Variants in CHL1 observed in about 807,000 individuals in gnomAD.
CHL1 encodes the protein neural cell adhesion molecule L1-like protein.
CHL1 carries 96 observed loss-of-function variants against 141.9 expected under a neutral mutation model. The observed-to-expected ratio is 0.68, with a 90% CI of 0.57 to 0.80. CHL1 has a LOEUF of 0.80. Ranked by LOEUF, CHL1 falls within the 30% of genes least tolerant of loss-of-function variation. The pLI, the probability that CHL1 is intolerant of heterozygous loss-of-function variation, is 0.00. For synonymous variants in CHL1, 613 were observed against 502.2 expected, an observed-to-expected ratio of 1.22 and a Z score of -2.95; for missense variants, 1,820 against 1,457.2, an observed-to-expected ratio of 1.25 and a Z score of -4.05.
intron 1 of CHL1, among the ~76,000 whole-genome samples, chr3:238,020 C>T (rs186445410): frequency 6.6e-5 from 10 of 152,226 alleles, no homozygotes; most frequent in Admixed American, 2.0e-4. Context: ...TTTTCTAGTT[C>T]TTACTTTATT....
At chr3:257,168 T>A (rs755282460) in intron 2 of CHL1, among the ~76,000 whole-genome samples, 17 of 152,164 alleles carry the variant, frequency 1.1e-4, no homozygotes, top group Non-Finnish European at 2.2e-4. Flanking sequence ...ACTGAAGGGA[T>A]ATCAAATGAT....
chr3:367,578 A>G (rs2125303678), intron 15 of CHL1, among the ~76,000 whole-genome samples: 1 of 152,332 alleles, frequency 6.6e-6, no homozygotes, highest in Admixed American at 6.5e-5. Context: ...GAAAATACCA[A>G]CTGCACAGTC....
intron 1 of CHL1, among the ~76,000 whole-genome samples, chr3:241,948 G>T (rs1692611634): frequency 6.6e-6 from 1 of 152,008 alleles, no homozygotes; most frequent in Admixed American, 6.6e-5. Flanking sequence ...TAAATTCAAA[G>T]GATTGTATGT....
chr3:233,299 G>A (rs462570), intron 1 of CHL1, among the ~76,000 whole-genome samples: 145,291 of 152,134 alleles, frequency 0.96, 69,485 homozygotes, highest in East Asian at 1. Flanking sequence ...AAAATTTCAT[G>A]TATCTTCTTG....
At chr3:258,848 A>G (rs903828117) in intron 2 of CHL1, among the ~76,000 whole-genome samples, 5 of 150,090 alleles carry the variant, frequency 3.3e-5, no homozygotes, top group Non-Finnish European at 7.4e-5. Flanking sequence ...ATTTCATCAC[A>G]TTGTTATTAA....
intron 3 of CHL1, 97 bp from the exon 4 acceptor site, chr3:325,862 T>C: frequency 1.5e-6 from 1 of 676,168 alleles, no homozygotes; most frequent in Non-Finnish European, 2.5e-6. Flanking sequence ...TCCTTTCACT[T>C]ATCAGTATAC....
chr3:216,681 G>C (rs943367971), intron 1 of CHL1, among the ~76,000 whole-genome samples: 14 of 152,288 alleles, frequency 9.2e-5, no homozygotes, highest in African/African-American at 2.9e-4. Context: ...TTCTTCTGTA[G>C]GCATATGATG....
intron 15 of CHL1, among the ~76,000 whole-genome samples, chr3:376,677 A>G (rs1205719932): frequency 6.6e-6 from 1 of 152,248 alleles, no homozygotes; most frequent in Non-Finnish European, 1.5e-5. Context: ...ATTAAAGTAT[A>G]TTCTTTCATC....
chr3:212,207 A>C (rs967765289), intron 1 of CHL1, among the ~76,000 whole-genome samples: 1 of 152,180 alleles, frequency 6.6e-6, no homozygotes, highest in Non-Finnish European at 1.5e-5. Flanking sequence ...TTTGCATTAA[A>C]AAAAACTTGT....
intron 1 of CHL1, among the ~76,000 whole-genome samples, chr3:205,096 C>CTTTG: frequency 2.0e-5 from 1 of 50,592 alleles, no homozygotes; most frequent in Non-Finnish European, 5.0e-5. Context: ...CTTTTTCTTT[C>CTTTG]TTTCTTTCTT....
At position 377,952 on chromosome 3, in the gene CHL1, C is replaced by T; in HGVS notation, c.1876+10C>T. On this transcript the variant is annotated intron_variant, in intron 16 of 27. Coordinates refer to ENST00000256509, the MANE Select transcript of CHL1 (RefSeq NM_006614.4). ...CAAGTAACTGTTCTTGGTAAGTGCA[C>T]TAACTAATGAGAAATCTGTTCATTT... is the stretch of plus-strand genomic sequence containing the variant. The T allele has an allele frequency of 6.4e-7, 1 of 1,558,022 alleles. No homozygotes were observed. The highest frequency in any genetic ancestry group is 8.6e-7 in the Non-Finnish European group (1 of 1,169,400).
intron 1 of CHL1, among the ~76,000 whole-genome samples, chr3:243,607 C>A (rs1163343744): frequency 6.6e-6 from 1 of 152,136 alleles, no homozygotes; most frequent in Non-Finnish European, 1.5e-5. Flanking sequence ...GTGTGAGGTT[C>A]TCTCCGGAGG....
chr3:400,586 C>CTTTT (rs11374109), intron 26 of CHL1, among the ~76,000 whole-genome samples: 8,463 of 139,478 alleles, frequency 0.061, 968 homozygotes, highest in African/African-American at 0.2. Flanking sequence ...TATTTGAGGG[C>CTTTT]TTTTTTTTTT....
In CHL1 at chr3:225,879, G is replaced by T. The variant is rs572376097; in HGVS notation, c.-174-18734G>T. Among the ~76,000 whole-genome samples, 428 of 151,846 alleles carry T rather than the reference G, an allele frequency of 2.8e-3. 3 individuals are homozygous for T. Among genetic ancestry groups the T allele is most frequent in the African/African-American group, 9.9e-3 (410 of 41,468 alleles). On this transcript the variant is annotated intron_variant, in intron 1 of 27. Coordinates refer to ENST00000256509, the MANE Select transcript of CHL1 (RefSeq NM_006614.4). ...AAAAAATTAGCCAGGTGTGGTGGCA[G>T]GCACCTGTAGTCCCAGCTACTCGGG...
chr3:341,474 G>C (rs1156982496), intron 6 of CHL1, among the ~76,000 whole-genome samples: 1 of 152,128 alleles, frequency 6.6e-6, no homozygotes, highest in Non-Finnish European at 1.5e-5. Flanking sequence ...AGAACAGGGA[G>C]ATTAATATCA....
intron 2 of CHL1, among the ~76,000 whole-genome samples, chr3:273,205 G>A (rs962504784): frequency 1.3e-5 from 2 of 152,148 alleles, no homozygotes; most frequent in African/African-American, 4.8e-5. Context: ...ATTCTTCAGT[G>A]TTGTTGGCAT....
At chr3:395,327 G>T (rs1708581618) in intron 24 of CHL1, among the ~76,000 whole-genome samples, 1 of 152,166 alleles carries the variant, frequency 6.6e-6, no homozygotes, top group African/African-American at 2.4e-5. Context: ...TGTCAATTTT[G>T]TTTTACTGTC....
At chr3:353,867 A>G (rs1472465132) in intron 10 of CHL1, among the ~76,000 whole-genome samples, 1 of 152,198 alleles carries the variant, frequency 6.6e-6, no homozygotes, top group South Asian at 2.1e-4. Context: ...ACTTTAATCT[A>G]AACCTTTTAG....
intron 13 of CHL1, among the ~76,000 whole-genome samples, chr3:362,337 T>C (rs879823229): frequency 2.0e-5 from 3 of 152,206 alleles, no homozygotes; most frequent in Non-Finnish European, 4.4e-5. Flanking sequence ...AGTTCTTGAA[T>C]AATTTTGTCA....
Sources: allele counts gnomAD v4.1 joint callset (sites outside exome capture counted in the v4.1 genomes callset), GRCh38; gene constraint gnomAD v4.1.1; transcripts MANE v1.5; gene names NCBI Gene and HGNC (gene_info 2026-07-23, HGNC 2026-07-21).